PFKP: variants seen among roughly 807,000 people sequenced by gnomAD.
PFKP encodes phosphofructokinase, platelet.
PFKP carries 101 observed loss-of-function variants against 94.3 expected under a neutral mutation model. The ratio of observed to expected loss-of-function variants is 1.07; its 90% CI spans 0.91 to 1.26. The LOEUF (loss-of-function observed/expected upper bound fraction) is 1.26. PFKP is among the 50% of genes most tolerant of loss of function. PFKP has a pLI of 0.00. For missense variants in PFKP, 1,145 were observed against 1,103.3 expected (o/e 1.04, Z -0.53); for synonymous variants, 573 against 432.6 (o/e 1.32, Z -4.03).
intron 2 of PFKP, among the ~76,000 whole-genome samples, chr10:3,097,914 C>T (rs1019303870): frequency 6.6e-6 from 1 of 152,166 alleles, no homozygotes; most frequent in African/African-American, 2.4e-5. Flanking sequence ...GAGGCTGAGG[C>T]AGGAGAATTG....
At chr10:3,102,204 TCCC>T (rs1835077165) in intron 4 of PFKP, among the ~76,000 whole-genome samples, 1 of 108,774 alleles carries the variant, frequency 9.2e-6, no homozygotes, top group Non-Finnish European at 1.8e-5. Context: ...TGAGCCGAGG[TCCC>T]GCCACTGCAC....
At chr10:3,108,551 C>A in intron 8 of PFKP, 150 bp from the exon 9 acceptor site, 1 of 616,164 alleles carries the variant, frequency 1.6e-6, no homozygotes. Flanking sequence ...ACTAAACGTT[C>A]TGCTAGGAAA....
intron 1 of PFKP, among the ~76,000 whole-genome samples, chr10:3,079,400 A>C (rs1288689919): frequency 1.3e-5 from 2 of 151,636 alleles, no homozygotes. Flanking sequence ...ACGCCTGGCT[A>C]ATTTTTTGTA....
Position 3,103,798 on chromosome 10 carries a change from C to G in PFKP, c.474C>G (p.Ala158=). The G allele has an allele frequency of 6.2e-7, 1 of 1,613,906 alleles. No individual in the cohort carries two copies. Among genetic ancestry groups the G allele is most frequent in the Non-Finnish European group, 8.5e-7 (1 of 1,180,028 alleles). The change falls in exon 5 of 22, where the codon GCC becomes GCG. Residue 158 remains alanine, a synonymous_variant. Coordinates refer to ENST00000381125, the MANE Select transcript of PFKP (RefSeq NM_002627.5). ...LARNGQIDKE[A]VQKYAYLNVV... ...GCGCAGGCCAGATCGATAAGGAGGC[C>G]GTGCAGAAGTACGCCTACCTCAACG...
At chr10:3,084,484 G>T (rs150566370) in intron 2 of PFKP, among the ~76,000 whole-genome samples, 1 of 152,140 alleles carries the variant, frequency 6.6e-6, no homozygotes, top group Non-Finnish European at 1.5e-5. Flanking sequence ...AACTGGTTAC[G>T]TGGTTATTGT....
At chr10:3,071,559 G>C (rs1247465516) in intron 1 of PFKP, among the ~76,000 whole-genome samples, 1 of 151,684 alleles carries the variant, frequency 6.6e-6, no homozygotes, top group Non-Finnish European at 1.5e-5. Context: ...CTGAATGGCG[G>C]ACTTACCATG....
At chr10:3,095,123 T>C (rs898556478) in intron 2 of PFKP, among the ~76,000 whole-genome samples, 2 of 152,006 alleles carry the variant, frequency 1.3e-5, no homozygotes, top group African/African-American at 4.8e-5. Context: ...CATGGACCCA[T>C]GCAACAAGCA....
intron 20 of PFKP, among the ~76,000 whole-genome samples, chr10:3,134,897 CCTT>C (rs1254042259): frequency 6.6e-6 from 1 of 152,148 alleles, no homozygotes; most frequent in Non-Finnish European, 1.5e-5. Context: ...TTAAGTGGGG[CCTT>C]CTATTTTTTG....
At chr10:3,118,892 C>A (rs746699215) in intron 15 of PFKP, 23 bp downstream of exon 15, 8 of 1,591,042 alleles carry the variant, frequency 5.0e-6, no homozygotes, top group South Asian at 3.3e-5. Flanking sequence ...TTCTCTCTTG[C>A]CGGTCTTGCA....
At chr10:3,092,938 C>A (rs1834162556) in intron 2 of PFKP, among the ~76,000 whole-genome samples, 3 of 148,512 alleles carry the variant, frequency 2.0e-5, no homozygotes, top group Admixed American at 2.0e-4. Flanking sequence ...ATGGGGGTGG[C>A]CACGGAAGCC....
rs777700417 is a variant in PFKP at position 3,119,951 on chromosome 10, C to T, written c.1590C>T (p.Val530=). ...AAREKHEEFC[V]PMVMVPATVS... is the part of the protein sequence containing the mutation. ...GGGAGAAGCACGAGGAGTTCTGTGT[C>T]CCCATGGTCATGGTTCCCGCTACTG... Residue 530 remains valine (V), a synonymous_variant, in exon 16 of 22, where the codon GTC becomes GTT. Transcript: ENST00000381125. 6.2e-7 allele frequency: 1 copy of T among 1,613,950 alleles called. No individual in the cohort carries two copies. The highest frequency in any genetic ancestry group is 8.5e-7 in the Non-Finnish European group (1 of 1,179,948).
chr10:3,126,712 C>T (rs1837985576), intron 16 of PFKP, among the ~76,000 whole-genome samples: 1 of 152,262 alleles, frequency 6.6e-6, no homozygotes, highest in Non-Finnish European at 1.5e-5. Flanking sequence ...AATGCTGTAG[C>T]AAACGCCACC....
At chr10:3,109,570 G>A (rs186859699) in intron 10 of PFKP, 90 bp downstream of exon 10, 31 of 1,468,758 alleles carry the variant, frequency 2.1e-5, no homozygotes, top group East Asian at 4.8e-5. Context: ...TGGGTGTCTC[G>A]TCGGTGCACG....
chr10:3,117,935 C>A (rs12257705), intron 14 of PFKP, among the ~76,000 whole-genome samples: 1 of 152,086 alleles, frequency 6.6e-6, no homozygotes, highest in African/African-American at 2.4e-5. Flanking sequence ...TTTTGCCCTA[C>A]GGTGTCTTAT....
At chr10:3,113,064 C>A in intron 11 of PFKP, 55 bp from the exon 12 acceptor site, 2 of 1,512,984 alleles carry the variant, frequency 1.3e-6, no homozygotes, top group African/African-American at 1.4e-5. Flanking sequence ...CCACATGAGC[C>A]CTGAGTTGTG....
In PFKP at chr10:3,135,706, GTTA is replaced by G. The variant is rs748915337; in HGVS notation, c.2123-26_2123-24del. 11 of 1,357,914 alleles carry G rather than the reference GTTA, an allele frequency of 8.1e-6. No homozygotes were observed. In the Admixed American group the frequency reaches 8.5e-5, roughly 10 times the overall value. 84.1% of individuals were successfully genotyped at this position (1,357,914 alleles called of 1,614,324 possible). ...CCCCACCTGCCCATGTTGACAGGGT[GTTA>G]TTAATCTTTTTTAAAATCTTTTATA... On this transcript the variant is annotated intron_variant, in intron 20 of 21. Transcript: ENST00000381125.
Position 3,099,243 on chromosome 10 carries a change from C to A in PFKP, c.187-32C>A, listed in dbSNP as rs531336687. 3 of 1,547,762 alleles carry A rather than the reference C, an allele frequency of 1.9e-6. No individual in the cohort carries two copies. In the Admixed American group the frequency reaches 5.0e-5, roughly 26 times the overall value. ...ACTTCCCATTTAGTGAAGTTTATCTCATTTTTAAAAGATTCTCCCTTTCTC... is the reference window on the plus strand; with the variant it reads ...ACTTCCCATTTAGTGAAGTTTATCTAATTTTTAAAAGATTCTCCCTTTCTC... On this transcript the variant is annotated intron_variant, in intron 2 of 21. Transcript: ENST00000381125.
chr10:3,086,252 AAGTT>A (rs1188459767), intron 2 of PFKP, among the ~76,000 whole-genome samples: 1 of 152,006 alleles, frequency 6.6e-6, no homozygotes, highest in African/African-American at 2.4e-5. Flanking sequence ...TGTTGAGTGG[AAGTT>A]AGTTCCCTCA....
intron 20 of PFKP, among the ~76,000 whole-genome samples, chr10:3,135,308 G>C (rs571149643): frequency 8.5e-5 from 13 of 152,184 alleles, no homozygotes; most frequent in African/African-American, 3.1e-4. Flanking sequence ...CCAGTGATGT[G>C]AATAGTTTCA....
Sources: allele counts gnomAD v4.1 joint callset (sites outside exome capture counted in the v4.1 genomes callset), GRCh38; gene constraint gnomAD v4.1.1; transcripts MANE v1.5; gene names NCBI Gene and HGNC (gene_info 2026-07-23, HGNC 2026-07-21).